Variants in SGCZ observed in about 807,000 individuals in gnomAD.
SGCZ encodes the protein sarcoglycan zeta.
In SGCZ, 40 loss-of-function variants were observed where a neutral mutation model predicts 41.3. The ratio of observed to expected loss-of-function variants is 0.97; its 90% confidence interval spans 0.75 to 1.26. The LOEUF is 1.26. SGCZ is among the 50% of genes most tolerant of loss of function. The pLI, the probability that SGCZ is intolerant of heterozygous loss-of-function variation, is 0.00. For missense variants in SGCZ, 552 were observed against 369.8 expected, an observed-to-expected ratio of 1.49 and a Z score of -4.04; for synonymous variants, 206 against 137.5, an observed-to-expected ratio of 1.50 and a Z score of -3.49.
At chr8:15,205,049 A>C (rs954178511) in intron 1 of SGCZ, among the ~76,000 whole-genome samples, 6 of 152,348 alleles carry the variant, frequency 3.9e-5, no homozygotes, top group Admixed American at 1.3e-4. Flanking sequence ...TTCTAAAAAA[A>C]GTTCAAGTTA....
At chr8:14,466,625 T>C (rs997849586) in intron 2 of SGCZ, among the ~76,000 whole-genome samples, 1 of 151,746 alleles carries the variant, frequency 6.6e-6, no homozygotes, top group African/African-American at 2.4e-5. Context: ...GTTCCTTAAA[T>C]TTTTTTCACT....
In SGCZ at chr8:14,679,368, C is replaced by A. The variant is rs143988993; in HGVS notation, c.40-124442G>T. Among the ~76,000 whole-genome samples, 514 of 151,834 alleles carry A rather than the reference C, an allele frequency of 3.4e-3. 4 individuals carry two copies. The highest frequency in any genetic ancestry group is 3.1e-3 in the Non-Finnish European group (210 of 67,910). Reference sequence around the variant, plus strand: ...ATGACAACTCTATGCCTGTTATTGGCCCTGAAGACATGTTAGTGGTACAAG... The same window carrying A: ...ATGACAACTCTATGCCTGTTATTGGACCTGAAGACATGTTAGTGGTACAAG... On this transcript the variant is annotated intron_variant, in intron 1 of 7. Coordinates refer to ENST00000382080, the MANE Select transcript of SGCZ (RefSeq NM_139167.4).
intron 1 of SGCZ, among the ~76,000 whole-genome samples, chr8:14,880,349 T>C (rs1370875498): frequency 6.6e-6 from 1 of 152,178 alleles, no homozygotes; most frequent in Non-Finnish European, 1.5e-5. Flanking sequence ...TTTTACACTG[T>C]TGGTGGGACT....
chr8:14,718,058 T>C (rs935309298), intron 1 of SGCZ, among the ~76,000 whole-genome samples: 41 of 150,508 alleles, frequency 2.7e-4, no homozygotes, highest in Admixed American at 1.4e-3. Flanking sequence ...AGTTTTCCTA[T>C]TTTTCTTATC....
At chr8:14,327,678 G>A (rs1802171274) in intron 2 of SGCZ, among the ~76,000 whole-genome samples, 1 of 152,132 alleles carries the variant, frequency 6.6e-6, no homozygotes, top group South Asian at 2.1e-4. Flanking sequence ...TGAGCTTCGT[G>A]TGTTTTCTTC....
chr8:14,531,372 C>T (rs1413601290), intron 2 of SGCZ, among the ~76,000 whole-genome samples: 1 of 151,844 alleles, frequency 6.6e-6, no homozygotes, highest in Non-Finnish European at 1.5e-5. Flanking sequence ...TACCTCATTC[C>T]TCTTGGTCAC....
intron 2 of SGCZ, among the ~76,000 whole-genome samples, chr8:14,394,207 G>C (rs1252858039): frequency 7.0e-6 from 1 of 142,458 alleles, no homozygotes; most frequent in Non-Finnish European, 1.5e-5. Context: ...CTGGAGTGCA[G>C]TGGCATGATC....
intron 4 of SGCZ, among the ~76,000 whole-genome samples, chr8:14,189,450 T>C (rs990124367): frequency 2.0e-5 from 3 of 152,194 alleles, no homozygotes; most frequent in Non-Finnish European, 4.4e-5. Context: ...CAATCTCTGC[T>C]TTATTCCCAA....
At chr8:15,077,672 C>A (rs1025851490) in intron 1 of SGCZ, among the ~76,000 whole-genome samples, 3 of 152,108 alleles carry the variant, frequency 2.0e-5, no homozygotes, top group African/African-American at 4.8e-5. Context: ...AAAACATGAA[C>A]CTTATCTTAC....
chr8:15,137,186 T>C (rs959741648), intron 1 of SGCZ, among the ~76,000 whole-genome samples: 8 of 151,550 alleles, frequency 5.3e-5, no homozygotes, highest in African/African-American at 2.0e-4. Context: ...GCAAAGAGAC[T>C]GGTGGCATTA....
chr8:14,147,919 A>G (rs1381284633), intron 5 of SGCZ, among the ~76,000 whole-genome samples: 2 of 152,172 alleles, frequency 1.3e-5, no homozygotes, highest in Non-Finnish European at 2.9e-5. Context: ...AACTATACAA[A>G]TACCTAGAAA....
chr8:14,824,387 C>A (rs753155912), intron 1 of SGCZ, among the ~76,000 whole-genome samples: 1 of 152,082 alleles, frequency 6.6e-6, no homozygotes, highest in African/African-American at 2.4e-5. Flanking sequence ...TAGTGTGCCA[C>A]TTTAATAGTA....
chr8:14,457,293 C>G (rs1433436291), intron 2 of SGCZ, among the ~76,000 whole-genome samples: 2 of 152,198 alleles, frequency 1.3e-5, no homozygotes, highest in African/African-American at 4.8e-5. Flanking sequence ...CTGTTATGCC[C>G]ACACAGGGCC....
intron 1 of SGCZ, among the ~76,000 whole-genome samples, chr8:15,004,764 A>G (rs768555143): frequency 9.2e-5 from 14 of 152,194 alleles, no homozygotes; most frequent in Non-Finnish European, 1.8e-4. Context: ...TAAGGAAGGA[A>G]TAAGAGGTGG....
At chr8:14,303,225 G>A (rs1801251979) in intron 3 of SGCZ, among the ~76,000 whole-genome samples, 2 of 152,066 alleles carry the variant, frequency 1.3e-5, no homozygotes, top group South Asian at 4.1e-4. Context: ...AAATTAACAG[G>A]CAAAGCATAA....
At position 14,459,432 on chromosome 8, in the gene SGCZ, AAAAT is replaced by A. The variant is rs1039411710; in HGVS notation, c.234+95296_234+95299del. 2.9e-4 allele frequency among the ~76,000 whole-genome samples: 44 copies of A among 152,278 alleles called. 1 individual carries two copies. The highest frequency in any genetic ancestry group is 1.0e-3 in the African/African-American group (42 of 41,558). ...TAAAGTATAATAAAAAATAAAATAA[AAAAT>A]AAAAAAAGAAGAAAAAGTGTTCTAA... On this transcript the variant is annotated intron_variant, in intron 2 of 7. Coordinates refer to ENST00000382080, the MANE Select transcript of SGCZ (RefSeq NM_139167.4).
chr8:14,979,638 G>T (rs1189472426), intron 1 of SGCZ, among the ~76,000 whole-genome samples: 2 of 152,152 alleles, frequency 1.3e-5, no homozygotes. Flanking sequence ...AACTGCACTT[G>T]AATCAAAGGC....
At chr8:15,199,154 G>T (rs1800820813) in intron 1 of SGCZ, among the ~76,000 whole-genome samples, 1 of 152,158 alleles carries the variant, frequency 6.6e-6, no homozygotes, top group African/African-American at 2.4e-5. Context: ...AAGTTTGACA[G>T]AACTTGGAAT....
intron 3 of SGCZ, among the ~76,000 whole-genome samples, chr8:14,300,889 T>A (rs1429420238): frequency 6.6e-6 from 1 of 152,002 alleles, no homozygotes; most frequent in Non-Finnish European, 1.5e-5. Flanking sequence ...ACCAGATGAC[T>A]TTTAAAGGTG....
Sources: gnomAD v4.1 joint callset for allele counts (sites outside exome capture counted in the v4.1 genomes callset) on GRCh38, gnomAD v4.1.1 for gene constraint, MANE v1.5 for transcripts, NCBI Gene and HGNC (gene_info 2026-07-23, HGNC 2026-07-21) for gene names.